SPEF2: variants seen among roughly 807,000 people sequenced by gnomAD.
SPEF2 encodes the protein sperm flagellar and cilia associated 2, also known as sperm flagella and cilia-associated protein 2.
Under a neutral mutation model 224.6 loss-of-function variants are expected in SPEF2, and 187 were observed. That is an observed-to-expected ratio of 0.83 (90% CI 0.74 to 0.94). The LOEUF (loss-of-function observed/expected upper bound fraction) is 0.94, where lower values mean the gene tolerates loss of function less well. SPEF2 is among the 40% of genes least tolerant of loss of function. The pLI is 0.00. For synonymous variants in SPEF2, 715 were observed against 707.3 expected, an observed-to-expected ratio of 1.01 and a Z score of -0.17; for missense variants, 2,170 against 2,135.6, an observed-to-expected ratio of 1.02 and a Z score of -0.32.
intron 36 of SPEF2, chr5:35,807,630 T>A (rs1758241007): frequency 6.5e-7 from 1 of 1,534,652 alleles, no homozygotes; most frequent in Admixed American, 2.0e-5. Flanking sequence ...TGTACTCTAA[T>A]CACGCAAGGT....
intron 9 of SPEF2, among the ~76,000 whole-genome samples, chr5:35,667,600 A>C (rs1204799502): frequency 6.6e-6 from 1 of 152,184 alleles, no homozygotes; most frequent in Non-Finnish European, 1.5e-5. Flanking sequence ...CACCAAAAGC[A>C]TGATCCATAA....
chr5:35,727,948 G>GT, intron 21 of SPEF2, 125 bp downstream of exon 21: 1 of 1,037,996 alleles, frequency 9.6e-7, no homozygotes, highest in Non-Finnish European at 1.3e-6. Context: ...ATCCATCTGA[G>GT]ATTTTTTTTA....
chr5:35,706,987 T>C (rs1739906873), intron 18 of SPEF2, among the ~76,000 whole-genome samples: 1 of 152,196 alleles, frequency 6.6e-6, no homozygotes, highest in Non-Finnish European at 1.5e-5. Flanking sequence ...ACTATTAGAC[T>C]CAACTTCAAC....
At chr5:35,663,813 C>T (rs150166923) in intron 8 of SPEF2, among the ~76,000 whole-genome samples, 200 of 152,242 alleles carry the variant, frequency 1.3e-3, no homozygotes, top group African/African-American at 4.6e-3. Flanking sequence ...AGGGCCAAGC[C>T]ATCTTGGAAA....
intron 30 of SPEF2, among the ~76,000 whole-genome samples, chr5:35,779,705 T>C (rs992166391): frequency 6.6e-6 from 1 of 152,162 alleles, no homozygotes; most frequent in African/African-American, 2.4e-5. Flanking sequence ...AGATTATGAG[T>C]TTGTGTTTCT....
chr5:35,674,450 A>G (rs1580215426), intron 10 of SPEF2, among the ~76,000 whole-genome samples: 3 of 149,064 alleles, frequency 2.0e-5, no homozygotes, highest in East Asian at 4.0e-4. Context: ...ATATGTATAC[A>G]TGTGCCATGT....
chr5:35,681,744 A>G (rs1163292326), intron 10 of SPEF2, among the ~76,000 whole-genome samples: 1 of 152,212 alleles, frequency 6.6e-6, no homozygotes, highest in African/African-American at 2.4e-5. Context: ...GCTAGGTCAC[A>G]ATGTAGAATG....
chr5:35,784,597 T>C (rs1328638518), intron 30 of SPEF2, among the ~76,000 whole-genome samples: 1 of 152,092 alleles, frequency 6.6e-6, no homozygotes, highest in African/African-American at 2.4e-5. Flanking sequence ...CCCAGAGGCT[T>C]TTGAAACTGA....
rs186447426 is a variant in SPEF2, at chr5:35,695,413, G to A, written c.1976-322G>A. 1.6e-4 allele frequency among the ~76,000 whole-genome samples: 24 copies of A among 151,800 alleles called. 1 individual carries two copies. The East Asian group carries it at 4.1e-3, about 26-fold the overall frequency. On this transcript the variant is annotated intron_variant, in intron 13 of 36. Coordinates refer to ENST00000356031, the MANE Select transcript of SPEF2 (RefSeq NM_024867.4). ...TAACATTTTTTTGAAAAACTTGACC[G>A]TCTTCTGAAAAGCGAACCCCGACTG...
intron 26 of SPEF2, among the ~76,000 whole-genome samples, 191 bp from the exon 27 acceptor site, chr5:35,771,418 G>A (rs778784853): frequency 6.6e-6 from 1 of 152,156 alleles, no homozygotes; most frequent in African/African-American, 2.4e-5. Context: ...AAGGGAAGCC[G>A]CATCTTGGGA....
intron 7 of SPEF2, among the ~76,000 whole-genome samples, chr5:35,654,964 T>G (rs1748761389): frequency 6.6e-6 from 1 of 152,188 alleles, no homozygotes; most frequent in Non-Finnish European, 1.5e-5. Flanking sequence ...AATGTATACT[T>G]TAAAAATGGT....
In SPEF2 at chr5:35,715,816, C is replaced by CCT. The variant is rs70973054; in HGVS notation, c.2914+2930_2914+2931insCT. 1.4e-4 allele frequency among the ~76,000 whole-genome samples: 16 copies of CCT among 117,940 alleles called. 1 individual carries two copies. Among genetic ancestry groups the CCT allele is most frequent in the African/African-American group, 1.6e-4 (5 of 31,408 alleles). 77.4% of individuals were successfully genotyped at this position (117,940 alleles called of 152,430 possible). On this transcript the variant is annotated intron_variant, in intron 20 of 36. Transcript: ENST00000356031. ...TCTGTGAAATAGGGGGATATAATTT[C>CCT]TTTTTTTTTTTTTTTTTGAGACAGA...
intron 2 of SPEF2, among the ~76,000 whole-genome samples, chr5:35,633,790 C>T (rs1055083439): frequency 6.6e-6 from 1 of 151,960 alleles, no homozygotes; most frequent in East Asian, 1.9e-4. Context: ...CATTTTCTTA[C>T]TTTTCTTAGT....
intron 10 of SPEF2, among the ~76,000 whole-genome samples, chr5:35,677,650 AT>A (rs1452707544): frequency 2.6e-5 from 4 of 152,152 alleles, no homozygotes; most frequent in Non-Finnish European, 5.9e-5. Context: ...GGAACCTATC[AT>A]TTTGGGGTGA....
intron 34 of SPEF2, 145 bp downstream of exon 34, chr5:35,800,292 C>A: frequency 2.3e-6 from 2 of 852,636 alleles, no homozygotes; most frequent in Non-Finnish European, 3.4e-6. Context: ...AGGTCTTCAA[C>A]AAAGCCTTAC....
At position 35,759,704 on chromosome 5, in the gene SPEF2, CTGAAAGCCAGCTTAGGTA is replaced by C. The variant is rs1356855231; in HGVS notation, c.3606_3620+3del. On this transcript the variant is annotated splice_donor_variant and splice_donor_region_variant and coding_sequence_variant and intron_variant, in exon 25 of 37. Transcript: ENST00000356031. LOFTEE classifies it high-confidence loss of function. Reference sequence around the variant, plus strand: ...GTCCAACTGGATAGTAAAGACAATTCTGAAAGCCAGCTTAGGTAAGGCAGGCTATTATATCACACTGTA... The same window carrying C: ...GTCCAACTGGATAGTAAAGACAATTCAGGCAGGCTATTATATCACACTGTA... The C allele has an allele frequency of 2.8e-5, 44 of 1,587,760 alleles. No homozygotes were observed. The highest frequency in any genetic ancestry group is 3.8e-5 in the Non-Finnish European group (44 of 1,162,006).
Position 35,689,488 on chromosome 5 carries a change from T to C in SPEF2, c.1525-1549T>C, listed in dbSNP as rs758009518. Among the ~76,000 whole-genome samples, 80 of 152,298 alleles carry C rather than the reference T, an allele frequency of 5.3e-4. 1 individual carries two copies. Among genetic ancestry groups the C allele is most frequent in the Admixed American group, 1.4e-3 (22 of 15,294 alleles). ...AGCAAAGTTCCCAATAGGTAGCTTT[T>C]TAGCCCTTGCACTCTCCCCATCTCC... On this transcript the variant is annotated intron_variant, in intron 10 of 36. Coordinates refer to ENST00000356031, the MANE Select transcript of SPEF2 (RefSeq NM_024867.4).
intron 30 of SPEF2, chr5:35,789,015 T>C (rs956474095): frequency 2.4e-5 from 17 of 694,882 alleles, no homozygotes; most frequent in Non-Finnish European, 4.5e-5. Context: ...CCTGCAATTG[T>C]TCGGCAACTG....
At chr5:35,658,689 G>A (rs1426335788) in intron 7 of SPEF2, among the ~76,000 whole-genome samples, 3 of 151,830 alleles carry the variant, frequency 2.0e-5, no homozygotes, top group Non-Finnish European at 4.4e-5. Context: ...TCATCACCCA[G>A]ATATTAAGCC....
Sources: gnomAD v4.1 joint callset for allele counts (sites outside exome capture counted in the v4.1 genomes callset) on GRCh38, gnomAD v4.1.1 for gene constraint, MANE v1.5 for transcripts, NCBI Gene and HGNC (gene_info 2026-07-23, HGNC 2026-07-21) for gene names.